The following PENK variants were observed in gnomAD, a reference collection of about 807,000 sequenced individuals.
PENK encodes proenkephalin.
In PENK, 25 loss-of-function variants were observed where a neutral mutation model predicts 24.1. The observed-to-expected ratio is 1.04, with a 90% CI of 0.76 to 1.45. PENK has a LOEUF of 1.45. Ranked by LOEUF, PENK falls within the 40% of genes most tolerant of loss-of-function variation. The pLI, the probability that PENK is intolerant of heterozygous loss-of-function variation, is 0.00. For synonymous variants in PENK, 135 were observed against 130.3 expected (o/e 1.04, Z -0.24); for missense variants, 353 against 337.9 (o/e 1.04, Z -0.35).
chr8:56,441,986 A>G, intron 3 of PENK, 49 bp from the exon 4 acceptor site: 1 of 1,484,192 alleles, frequency 6.7e-7, no homozygotes, highest in Non-Finnish European at 9.2e-7. Context: ...CTGTGATTTC[A>G]TTAAGCAAAT....
intron 2 of PENK, 70 bp from the exon 3 acceptor site, chr8:56,446,026 C>G: frequency 2.0e-6 from 3 of 1,467,476 alleles, no homozygotes; most frequent in Non-Finnish European, 2.7e-6. Context: ...GCAGGACCCT[C>G]GCCGCGACAG....
rs763053352 is a variant in PENK at position 56,441,313 on chromosome 8, G to A, written c.763C>T (p.Pro255Ser). ...EEGESYSKEV[P>S]EMEKRYGGFM... The stretch of plus-strand genomic sequence containing the variant: ...CCTCCGTATCTTTTTTCCATTTCAG[G>A]AACTTCTTTGGAGTAACTTTCGCCT... The change falls in exon 4 of 4, where the codon CCT becomes TCT. Residue 255 changes from proline to serine, a missense_variant. Physicochemically the swap from Pro to Ser is moderately conservative, Grantham distance 74. Coordinates refer to ENST00000451791, the MANE Select transcript of PENK (RefSeq NM_001135690.3). 19 of 1,606,550 alleles carry A rather than the reference G, an allele frequency of 1.2e-5. No homozygotes were observed. The African/African-American group carries it at 2.3e-4, about 19-fold the overall frequency.
At chr8:56,444,750 T>G (rs145098759) in intron 3 of PENK, among the ~76,000 whole-genome samples, 20 of 152,328 alleles carry the variant, frequency 1.3e-4, no homozygotes, top group Non-Finnish European at 2.4e-4. Context: ...TGTTCCTTGG[T>G]TTTCTCCCCA....
chr8:56,445,729 C>A (rs766521586), intron 3 of PENK, 87 bp downstream of exon 3: 1 of 1,566,374 alleles, frequency 6.4e-7, no homozygotes, highest in East Asian at 2.2e-5. Context: ...GCCATACGCG[C>A]CGCGCGGTGG....
Position 56,441,243 on chromosome 8 carries a change from G to A in PENK, c.*29C>T, listed in dbSNP as rs775743511. 41 of 1,478,404 alleles carry A rather than the reference G, an allele frequency of 2.8e-5. No individual in the cohort carries two copies. The highest frequency in any genetic ancestry group is 3.8e-5 in the Non-Finnish European group (41 of 1,088,242). The allele number at this position is 1,478,404 out of a possible 1,614,324, so 91.6% of individuals were successfully genotyped here. The stretch of plus-strand genomic sequence containing the variant: ...CTGGAGGATGGAGGGAGGCTTGCTG[G>A]GGCCTGGGGCCACTAGTGGGAAAAG... On this transcript the variant is annotated 3_prime_UTR_variant, in exon 4 of 4. Transcript: ENST00000451791.
At chr8:56,446,106 A>T in intron 2 of PENK, 150 bp from the exon 3 acceptor site, 2 of 878,826 alleles carry the variant, frequency 2.3e-6, no homozygotes, top group South Asian at 3.7e-5. Context: ...CTCCCGGCCG[A>T]CAGCTTTTAG....
At chr8:56,445,753 C>G in intron 3 of PENK, 63 bp downstream of exon 3, 1 of 1,606,728 alleles carries the variant, frequency 6.2e-7, no homozygotes, top group Non-Finnish European at 8.5e-7. Context: ...GGAGGCAGTC[C>G]GCGTACTGTT....
intron 2 of PENK, 37 bp downstream of exon 2, chr8:56,446,389 C>T (rs908328299): frequency 1.6e-5 from 3 of 183,764 alleles, no homozygotes; most frequent in Non-Finnish European, 3.4e-5. Context: ...TCCCCAAACC[C>T]GCTCAGCAAA....
chr8:56,446,318 C>A (rs375119335), intron 2 of PENK, 108 bp downstream of exon 2: 11 of 286,756 alleles, frequency 3.8e-5, no homozygotes, highest in East Asian at 1.9e-4. Context: ...AAAGAAGAAC[C>A]AGGGAACGCT....
chr8:56,445,895 G>T lies in PENK; in HGVS notation c.59C>A (p.Ala20Glu). ...WLLLLGPGLL[A>E]TVRAECSQDC... Reference sequence around the variant, plus strand: ...CTGGCTGCATTCGGCCCGCACGGTCGCCAGGAGCCCGGGGCCGAGCAACAG... The same window carrying T: ...CTGGCTGCATTCGGCCCGCACGGTCTCCAGGAGCCCGGGGCCGAGCAACAG... The change falls in exon 3 of 4, where the codon GCG (alanine) becomes GAG (glutamate). Residue 20 changes from alanine (A) to glutamate (E), a missense_variant. By Grantham distance (107) the Ala-to-Glu change is moderately radical. Coordinates refer to ENST00000451791, the MANE Select transcript of PENK (RefSeq NM_001135690.3). The T allele has an allele frequency of 2.5e-6, 4 of 1,612,812 alleles. No individual in the cohort carries two copies. The highest frequency in any genetic ancestry group is 1.1e-5 in the South Asian group (1 of 91,028).
rs753398150 is a variant in PENK at position 56,445,752 on chromosome 8, C to G, written c.138+64G>C. The G allele has an allele frequency of 1.9e-6, 3 of 1,606,726 alleles. No homozygotes were observed. The Admixed American group carries it at 5.0e-5, about 27-fold the overall frequency. ...CGCCGCGCGGTGGGCCGGAGGCAGT[C>G]CGCGTACTGTTGCGGAAACTCTGTC... On this transcript the variant is annotated intron_variant, in intron 3 of 3. Transcript: ENST00000451791.
chr8:56,441,125 G>A lies in PENK; in HGVS notation c.*147C>T, dbSNP rs532796209. The A allele has an allele frequency of 3.1e-6, 2 of 647,546 alleles. No homozygotes were observed. The highest frequency in any genetic ancestry group is 5.4e-6 in the Non-Finnish European group (2 of 368,176). The allele number at this position is 647,546 out of a possible 1,614,324, so 40.1% of individuals were successfully genotyped here. A position where few individuals can be genotyped will look rare whatever the true frequency, so the allele number is the denominator to read the frequency against. ...CCAAAAAGAGCACAGAACCTGAAATGACAGTTTTCAGGTTGTATAGTTATC... is the reference window on the plus strand; with the variant it reads ...CCAAAAAGAGCACAGAACCTGAAATAACAGTTTTCAGGTTGTATAGTTATC... On this transcript the variant is annotated 3_prime_UTR_variant, in exon 4 of 4. Coordinates refer to ENST00000451791, the MANE Select transcript of PENK (RefSeq NM_001135690.3).
Position 56,445,802 on chromosome 8 carries a change from C to T in PENK, c.138+14G>A, listed in dbSNP as rs1804648256. The T allele has an allele frequency of 6.2e-7, 1 of 1,613,308 alleles. No individual in the cohort carries two copies. The highest frequency in any genetic ancestry group is 8.5e-7 in the Non-Finnish European group (1 of 1,179,856). On this transcript the variant is annotated intron_variant, in intron 3 of 3. Transcript: ENST00000451791. ...CTCACAAGGTGCGCAACACTCGCCGCGCGCAACACTCACCAGGAAGTTGAT... is the reference window on the plus strand; with the variant it reads ...CTCACAAGGTGCGCAACACTCGCCGTGCGCAACACTCACCAGGAAGTTGAT...
Position 56,445,491 on chromosome 8 carries a change from C to T in PENK, c.138+325G>A, listed in dbSNP as rs577708072. 4.9e-4 allele frequency: 285 copies of T among 582,692 alleles called. 4 individuals carry two copies. The South Asian group carries it at 6.0e-3, about 12-fold the overall frequency. 36.1% of individuals were successfully genotyped at this position (582,692 alleles called of 1,614,324 possible). On this transcript the variant is annotated intron_variant, in intron 3 of 3. Coordinates refer to ENST00000451791, the MANE Select transcript of PENK (RefSeq NM_001135690.3). The stretch of plus-strand genomic sequence containing the variant: ...CCTTCTGACAGCCCAGGAGAGAACC[C>T]AGTGCTATCCGAGGTGCTGAACAGA...
chr8:56,445,513 C>A (rs115740267), intron 3 of PENK: 1 of 599,500 alleles, frequency 1.7e-6, no homozygotes, highest in Admixed American at 2.9e-5. Flanking sequence ...AGGTGCTGAA[C>A]AGAGGACTTC....
At position 56,441,435 on chromosome 8, in the gene PENK, A is replaced by C. The variant is rs368639829; in HGVS notation, c.641T>G (p.Met214Arg). Residue 214 changes from methionine (M) to arginine (R), a missense_variant, in exon 4 of 4, where the codon ATG (methionine) becomes AGG (arginine). Met to Arg is a moderately conservative substitution (Grantham distance 91). Transcript: ENST00000451791. ...CCACTCTGGGCGACCTACTCTTCTC[A>C]TGAAGCCCCCATATCGCTTCTGCAG... Reference protein sequence around the residue: ...KELQKRYGGFMRRVGRPEWWM... With the variant: ...KELQKRYGGFRRRVGRPEWWM... 2.4e-5 allele frequency: 39 copies of C among 1,613,826 alleles called. No individual in the cohort carries two copies. The highest frequency in any genetic ancestry group is 3.3e-5 in the Admixed American group (2 of 59,998).
intron 3 of PENK, chr8:56,443,377 T>C (rs1455000643): frequency 6.6e-6 from 1 of 152,106 alleles, no homozygotes; most frequent in African/African-American, 2.4e-5. Context: ...GATTTTTAAA[T>C]GTATGTGATG....
chr8:56,441,888 TC>T lies in PENK; in HGVS notation c.187del (p.Glu63LysfsTer34). Reference sequence around the variant, plus strand: ...CAGCTGCAGGAGCTCCTTGCAGGTTTCCCAAATTTTCAGAGAAGGCAGTTTA... The same window carrying T: ...CAGCTGCAGGAGCTCCTTGCAGGTTTCCAAATTTTCAGAGAAGGCAGTTTA... ...EGKLPSLKIW[E>X]TCKELLQLSK... On this transcript the variant is annotated frameshift_variant, in exon 4 of 4. Coordinates refer to ENST00000451791, the MANE Select transcript of PENK (RefSeq NM_001135690.3). LOFTEE classifies it high-confidence loss of function. 6.2e-7 allele frequency: 1 copy of T among 1,613,898 alleles called. No individual in the cohort carries two copies. The highest frequency in any genetic ancestry group is 1.1e-5 in the South Asian group (1 of 91,084).
chr8:56,444,488 A>G, intron 3 of PENK, among the ~76,000 whole-genome samples: 1 of 152,230 alleles, frequency 6.6e-6, no homozygotes, highest in East Asian at 1.9e-4. Flanking sequence ...TGTGTCTAAA[A>G]TTCTTTATCC....
Sources: allele counts gnomAD v4.1 joint callset (sites outside exome capture counted in the v4.1 genomes callset), GRCh38; gene constraint gnomAD v4.1.1; transcripts MANE v1.5; gene names NCBI Gene and HGNC (gene_info 2026-07-23, HGNC 2026-07-21).